CREB3L2: variants seen among roughly 807,000 people sequenced by gnomAD.
CREB3L2 encodes the protein cyclic AMP-responsive element-binding protein 3-like protein 2.
CREB3L2 carries 23 observed loss-of-function variants against 57.2 expected under a neutral mutation model. The observed-to-expected ratio is 0.40, with a 90% confidence interval of 0.29 to 0.57. The LOEUF (loss-of-function observed/expected upper bound fraction) is 0.57, where lower values mean the gene tolerates loss of function less well. CREB3L2 is among the 20% of genes least tolerant of loss of function. CREB3L2 has a pLI of 0.42. For missense variants in CREB3L2, 628 were observed against 634.7 expected (o/e 0.99, Z 0.11); for synonymous variants, 268 against 265.1 (o/e 1.01, Z -0.11).
intron 1 of CREB3L2, among the ~76,000 whole-genome samples, chr7:137,941,547 G>A (rs1026137040): frequency 3.9e-5 from 6 of 152,170 alleles, no homozygotes; most frequent in African/African-American, 1.4e-4. Context: ...GAGCTTTGAG[G>A]CCTGCTCAGG....
At chr7:137,987,221 T>C (rs1209285651) in intron 1 of CREB3L2, among the ~76,000 whole-genome samples, 1 of 152,148 alleles carries the variant, frequency 6.6e-6, no homozygotes, top group Non-Finnish European at 1.5e-5. Context: ...TTACAAAAAA[T>C]ATATACTGTT....
intron 2 of CREB3L2, among the ~76,000 whole-genome samples, chr7:137,917,341 GAAACGACC>G (rs139798643): frequency 0.033 from 4,989 of 152,092 alleles, 284 homozygotes; most frequent in African/African-American, 0.11. Context: ...GGAAGGAAAG[GAAACGACC>G]AGAGGGTTGG....
At position 137,970,930 on chromosome 7, in the gene CREB3L2, A is replaced by G. The variant is rs115962336; in HGVS notation, c.102+30674T>C. ...GTTTATGCAGTGTGCACCTACCTAC[A>G]CTACGGTTACTTTATAGCTGGGTGC... On this transcript the variant is annotated intron_variant, in intron 1 of 11. Coordinates refer to ENST00000330387, the MANE Select transcript of CREB3L2 (RefSeq NM_194071.4). Among the ~76,000 whole-genome samples, 1,235 of 152,300 alleles carry G rather than the reference A, an allele frequency of 8.1e-3. 22 individuals carry two copies. The highest frequency in any genetic ancestry group is 0.028 in the African/African-American group (1,172 of 41,566).
intron 10 of CREB3L2, chr7:137,884,759 G>A (rs1192100012): frequency 3.2e-6 from 2 of 626,726 alleles, no homozygotes; most frequent in East Asian, 2.7e-5. Flanking sequence ...ACACAGTCTA[G>A]AACAGCAGTT....
chr7:137,978,208 A>G (rs1268211649), intron 1 of CREB3L2, among the ~76,000 whole-genome samples: 1 of 152,192 alleles, frequency 6.6e-6, no homozygotes, highest in African/African-American at 2.4e-5. Flanking sequence ...CTTCTGGACG[A>G]CTTTACAGAG....
chr7:137,969,465 G>A lies in CREB3L2; in HGVS notation c.102+32139C>T, dbSNP rs535653760. Among the ~76,000 whole-genome samples the A allele has an allele frequency of 1.6e-4, 23 of 147,644 alleles. No individual in the cohort carries two copies. In the East Asian group the frequency reaches 2.1e-3, roughly 13 times the overall value. Reference sequence around the variant, plus strand: ...GGGTTCATGCCATTCTCCTGCCTCAGCCTCCCAAGTAGCTGGGACTACAGG... The same window carrying A: ...GGGTTCATGCCATTCTCCTGCCTCAACCTCCCAAGTAGCTGGGACTACAGG... On this transcript the variant is annotated intron_variant, in intron 1 of 11. Coordinates refer to ENST00000330387, the MANE Select transcript of CREB3L2 (RefSeq NM_194071.4).
rs1157418834 is a variant in CREB3L2, at chr7:137,946,864, T to TTA, written c.103-18500_103-18499dup. ...GTTATCTATATAGTTATCTATATAG[T>TTA]TATATATATAGTTATCTATATAGTT... On this transcript the variant is annotated intron_variant, in intron 1 of 11. Coordinates refer to ENST00000330387, the MANE Select transcript of CREB3L2 (RefSeq NM_194071.4). Among the ~76,000 whole-genome samples, 79 of 30,954 alleles carry TTA rather than the reference T, an allele frequency of 2.6e-3. 17 individuals carry two copies. Among genetic ancestry groups the TTA allele is most frequent in the African/African-American group, 0.014 (69 of 4,824 alleles). The allele number at this position is 30,954 out of a possible 152,430, so 20.3% of individuals were successfully genotyped here.
intron 1 of CREB3L2, among the ~76,000 whole-genome samples, chr7:137,930,928 A>T (rs544134553): frequency 3.3e-4 from 10 of 30,298 alleles, no homozygotes; most frequent in South Asian, 3.1e-3. Context: ...CATTCCTTTT[A>T]AAAAAAAAAA....
At chr7:137,965,407 T>C (rs1219397258) in intron 1 of CREB3L2, among the ~76,000 whole-genome samples, 1 of 152,228 alleles carries the variant, frequency 6.6e-6, no homozygotes, top group Non-Finnish European at 1.5e-5. Flanking sequence ...ATTCCATTTT[T>C]TCCCTTAGGA....
At chr7:137,926,861 A>T (rs1800474322) in intron 2 of CREB3L2, among the ~76,000 whole-genome samples, 2 of 152,200 alleles carry the variant, frequency 1.3e-5, no homozygotes, top group African/African-American at 4.8e-5. Context: ...AGAAAATTAA[A>T]TTTAAACCTG....
chr7:137,883,547 G>A (rs1404126323), intron 10 of CREB3L2, among the ~76,000 whole-genome samples: 1 of 152,160 alleles, frequency 6.6e-6, no homozygotes, highest in Non-Finnish European at 1.5e-5. Flanking sequence ...TTATGATAAA[G>A]TTTGATTTAG....
At position 137,875,619 on chromosome 7, in the gene CREB3L2, A is replaced by T. The variant is rs1799132006; in HGVS notation, c.*4857T>A. ...ACACAGCAGGGCCATTGCAGGGGAC[A>T]GGTGCTGTAATTCCTGCCCAGAGAA... On this transcript the variant is annotated 3_prime_UTR_variant, in exon 12 of 12. Coordinates refer to ENST00000330387, the MANE Select transcript of CREB3L2 (RefSeq NM_194071.4). 4.5e-6 allele frequency: 1 copy of T among 224,606 alleles called. No individual in the cohort carries two copies. 13.9% of individuals were successfully genotyped at this position (224,606 alleles called of 1,614,324 possible). A position where few individuals can be genotyped will look rare whatever the true frequency, so the allele number is the denominator to read the frequency against.
intron 1 of CREB3L2, among the ~76,000 whole-genome samples, chr7:137,947,562 G>A (rs942190668): frequency 2.0e-5 from 3 of 152,008 alleles, no homozygotes; most frequent in African/African-American, 4.8e-5. Context: ...TGCCCCCCTT[G>A]GCTCACTCCT....
intron 1 of CREB3L2, among the ~76,000 whole-genome samples, chr7:137,959,405 G>A (rs1262440664): frequency 2.0e-5 from 3 of 152,032 alleles, no homozygotes; most frequent in Non-Finnish European, 2.9e-5. Context: ...CCAGCTGATC[G>A]CCACCCATTC....
In CREB3L2 at chr7:138,001,082, A is replaced by AACACAT. The variant is rs1554506342; in HGVS notation, c.102+521_102+522insATGTGT. Among the ~76,000 whole-genome samples, 5 of 136,710 alleles carry AACACAT rather than the reference A, an allele frequency of 3.7e-5. No individual in the cohort carries two copies. The highest frequency in any genetic ancestry group is 1.3e-4 in the African/African-American group (5 of 37,296). The allele number at this position is 136,710 out of a possible 152,430, so 89.7% of individuals were successfully genotyped here. A position where few individuals can be genotyped will look rare whatever the true frequency, so the allele number is the denominator to read the frequency against. ...CTCCCTAACGTAGAGGAGCCCTTTC[A>AACACAT]ACACACACACACACACACACACACA... On this transcript the variant is annotated intron_variant, in intron 1 of 11. Transcript: ENST00000330387. The surrounding 1 kb of genome is among the most constrained non-coding windows in gnomAD (Gnocchi z 4.2).
At chr7:137,940,173 C>T (rs1177288884) in intron 1 of CREB3L2, among the ~76,000 whole-genome samples, 1 of 152,172 alleles carries the variant, frequency 6.6e-6, no homozygotes, top group Non-Finnish European at 1.5e-5. Flanking sequence ...ATAAGCTTCT[C>T]CTCTCTGGTA....
chr7:137,899,129 G>GAAGC (rs1799695327), intron 8 of CREB3L2, among the ~76,000 whole-genome samples: 1 of 144,858 alleles, frequency 6.9e-6, no homozygotes, highest in Non-Finnish European at 1.5e-5. Context: ...AGGAAGGAAG[G>GAAGC]AAGGAAGGAA....
chr7:137,937,402 C>T (rs886339053), intron 1 of CREB3L2, among the ~76,000 whole-genome samples: 1 of 152,230 alleles, frequency 6.6e-6, no homozygotes. Context: ...CTAGGCCACC[C>T]TCCCTCCTCC....
At chr7:137,884,800 A>G (rs1799373972) in intron 10 of CREB3L2, 195 bp downstream of exon 10, 1 of 688,550 alleles carries the variant, frequency 1.5e-6, no homozygotes, top group Admixed American at 2.2e-5. Context: ...GCTCTGGAGA[A>G]TTCCCAGTGA....
Sources: allele counts gnomAD v4.1 joint callset (sites outside exome capture counted in the v4.1 genomes callset), GRCh38; gene constraint gnomAD v4.1.1; non-coding constraint Gnocchi (gnomAD v3.1); transcripts MANE v1.5; gene names NCBI Gene and HGNC (gene_info 2026-07-23, HGNC 2026-07-21).